The following KLHL28 variants were observed in gnomAD, a reference collection of about 807,000 sequenced individuals.
The protein encoded by KLHL28 is kelch-like protein 28.
Under a neutral mutation model 48.3 loss-of-function variants are expected in KLHL28, and 22 were observed. The ratio of observed to expected loss-of-function variants is 0.46; its 90% CI spans 0.33 to 0.65. KLHL28 has a LOEUF of 0.65. KLHL28 is among the 30% of genes least tolerant of loss of function. The pLI is 0.03. For synonymous variants in KLHL28, 243 were observed against 242.4 expected, an observed-to-expected ratio of 1.00 and a Z score of -0.02; for missense variants, 527 against 704.3, an observed-to-expected ratio of 0.75 and a Z score of 2.85.
chr14:44,955,940 C>T (rs953173841), intron 1 of KLHL28, among the ~76,000 whole-genome samples: 6 of 152,166 alleles, frequency 3.9e-5, no homozygotes, highest in South Asian at 2.1e-4. Context: ...ATTGATTAAA[C>T]GATATCAGAT....
chr14:44,946,822 C>T (rs1023207686), intron 1 of KLHL28, among the ~76,000 whole-genome samples: 2 of 152,082 alleles, frequency 1.3e-5, no homozygotes, highest in East Asian at 1.9e-4. Context: ...TCTCAAAGTG[C>T]GGGGATTACA....
intron 1 of KLHL28, among the ~76,000 whole-genome samples, chr14:44,957,962 G>A (rs1017885531): frequency 6.6e-6 from 1 of 151,194 alleles, no homozygotes; most frequent in South Asian, 2.1e-4. Context: ...AAATACACAG[G>A]GCTTTAAAAT....
At chr14:44,957,259 G>A (rs1884832147) in intron 1 of KLHL28, among the ~76,000 whole-genome samples, 1 of 152,182 alleles carries the variant, frequency 6.6e-6, no homozygotes, top group South Asian at 2.1e-4. Flanking sequence ...GTAAATAGAT[G>A]TTCATCATAT....
At chr14:44,937,268 C>G (rs1016136234) in intron 2 of KLHL28, among the ~76,000 whole-genome samples, 1 of 151,820 alleles carries the variant, frequency 6.6e-6, no homozygotes, top group Non-Finnish European at 1.5e-5. Context: ...GCCTCAGCCT[C>G]CTGAGTAGCT....
chr14:44,960,332 T>G (rs1224735447), intron 1 of KLHL28, among the ~76,000 whole-genome samples: 1 of 152,114 alleles, frequency 6.6e-6, no homozygotes, highest in African/African-American at 2.4e-5. Flanking sequence ...CAAGAAAGAG[T>G]GCACTGGATT....
intron 2 of KLHL28, among the ~76,000 whole-genome samples, chr14:44,938,915 C>G (rs1883951903): frequency 6.6e-6 from 1 of 152,198 alleles, no homozygotes; most frequent in South Asian, 2.1e-4. Flanking sequence ...TCCCATGACT[C>G]CCCTAGCCAT....
intron 1 of KLHL28, among the ~76,000 whole-genome samples, chr14:44,950,495 G>C (rs1013516262): frequency 6.6e-6 from 1 of 152,038 alleles, no homozygotes; most frequent in Non-Finnish European, 1.5e-5. Context: ...CATATGACAC[G>C]CAAAAATGAC....
chr14:44,955,007 T>C (rs964878910), intron 1 of KLHL28, among the ~76,000 whole-genome samples: 24 of 152,142 alleles, frequency 1.6e-4, no homozygotes, highest in African/African-American at 5.6e-4. Flanking sequence ...ACTGTTTATT[T>C]GTATTGTGAC....
At position 44,945,506 on chromosome 14, in the gene KLHL28, A is replaced by G; in HGVS notation, c.423T>C (p.Ser141=). Residue 141 remains serine, a synonymous_variant, in exon 2 of 5, where the codon TCT becomes TCC. Transcript: ENST00000396128. ...GGCAACCATATGTTTCTGCAAAACG[A>G]GAAATTCCAATACAATTACCAGGAT... ...QLDPGNCIGI[S]RFAETYGCRD... is the part of the protein sequence containing the mutation. 6.2e-7 allele frequency: 1 copy of G among 1,614,244 alleles called. No homozygotes were observed.
chr14:44,935,019 T>C (rs1883749599), intron 2 of KLHL28, among the ~76,000 whole-genome samples: 1 of 152,202 alleles, frequency 6.6e-6, no homozygotes, highest in African/African-American at 2.4e-5. Context: ...TGCATACATA[T>C]ATGTCCAAGA....
intron 1 of KLHL28, among the ~76,000 whole-genome samples, chr14:44,949,009 G>A (rs1293320161): frequency 6.6e-6 from 1 of 152,070 alleles, no homozygotes; most frequent in Admixed American, 6.5e-5. Flanking sequence ...AAAGGAAAAT[G>A]TATGCGAAAA....
At chr14:44,950,638 T>C (rs1753793342) in intron 1 of KLHL28, among the ~76,000 whole-genome samples, 1 of 152,170 alleles carries the variant, frequency 6.6e-6, no homozygotes, top group Non-Finnish European at 1.5e-5. Flanking sequence ...CTTCCCGGGT[T>C]ACAATACAAT....
chr14:44,954,998 CTG>C (rs1884734001), intron 1 of KLHL28, among the ~76,000 whole-genome samples: 1 of 152,026 alleles, frequency 6.6e-6, no homozygotes, highest in Admixed American at 6.6e-5. Context: ...GATAAGGACA[CTG>C]TTTATTTGTA....
At chr14:44,952,073 C>T (rs1884610338) in intron 1 of KLHL28, among the ~76,000 whole-genome samples, 1 of 151,994 alleles carries the variant, frequency 6.6e-6, no homozygotes, top group Non-Finnish European at 1.5e-5. Flanking sequence ...GTTGCCTAGG[C>T]TAGTCTCGAA....
chr14:44,935,420 C>A (rs1245972608), intron 2 of KLHL28, among the ~76,000 whole-genome samples: 1 of 152,042 alleles, frequency 6.6e-6, no homozygotes, highest in African/African-American at 2.4e-5. Flanking sequence ...GTACATTTTT[C>A]TGCATGTGTG....
intron 1 of KLHL28, among the ~76,000 whole-genome samples, chr14:44,958,385 A>T (rs1478730119): frequency 6.6e-6 from 1 of 151,448 alleles, no homozygotes; most frequent in African/African-American, 2.4e-5. Context: ...AGAAATCAAG[A>T]TTACTCTTAA....
chr14:44,952,020 G>C (rs779145890), intron 1 of KLHL28, among the ~76,000 whole-genome samples: 1 of 151,916 alleles, frequency 6.6e-6, no homozygotes, highest in South Asian at 2.1e-4. Context: ...CACCACGCCC[G>C]ACTAGTTTTT....
chr14:44,958,732 C>T (rs1884907657), intron 1 of KLHL28, among the ~76,000 whole-genome samples: 1 of 145,074 alleles, frequency 6.9e-6, no homozygotes, highest in African/African-American at 2.9e-5. Context: ...TGACAGGCGT[C>T]TAAGTTACAT....
intron 1 of KLHL28, among the ~76,000 whole-genome samples, chr14:44,951,528 A>G (rs1253763392): frequency 7.2e-5 from 11 of 152,246 alleles, no homozygotes; most frequent in Non-Finnish European, 1.5e-5. Context: ...AGTAAGTAAG[A>G]CATTCTATTC....
Sources: allele counts gnomAD v4.1 joint callset (sites outside exome capture counted in the v4.1 genomes callset), GRCh38; gene constraint gnomAD v4.1.1; transcripts MANE v1.5; gene names NCBI Gene and HGNC (gene_info 2026-07-23, HGNC 2026-07-21).